The following EXT1 variants were observed in gnomAD, a reference collection of about 807,000 sequenced individuals.
The protein encoded by EXT1 is exostosin glycosyltransferase 1.
In EXT1, 20 loss-of-function variants were observed where a neutral mutation model predicts 82.5. The ratio of observed to expected loss-of-function variants is 0.24; its 90% CI spans 0.17 to 0.35. The LOEUF is 0.35. Ranked by LOEUF, EXT1 falls within the 10% of genes least tolerant of loss-of-function variation. The pLI is 1.00. For missense variants in EXT1, 757 were observed against 936.5 expected (o/e 0.81, Z 2.50); for synonymous variants, 348 against 350.8 (o/e 0.99, Z 0.09).
intron 1 of EXT1, among the ~76,000 whole-genome samples, chr8:118,041,999 A>T (rs1003513365): frequency 1.3e-5 from 2 of 151,450 alleles, no homozygotes; most frequent in Non-Finnish European, 2.9e-5. Flanking sequence ...CCAACATCAC[A>T]TCTGTCACCT....
intron 7 of EXT1, among the ~76,000 whole-genome samples, chr8:117,817,004 T>C (rs991974388): frequency 6.6e-6 from 1 of 152,150 alleles, no homozygotes; most frequent in Admixed American, 6.5e-5. Flanking sequence ...GGGGGATGGA[T>C]ATAAGGGCCT....
chr8:118,109,753 C>A (rs368738065), intron 1 of EXT1, among the ~76,000 whole-genome samples: 1 of 152,138 alleles, frequency 6.6e-6, no homozygotes, highest in South Asian at 2.1e-4. Context: ...CCTCCAGTAC[C>A]CATGCCTGAA....
chr8:118,001,419 A>C (rs1170729862), intron 1 of EXT1, among the ~76,000 whole-genome samples: 1 of 152,016 alleles, frequency 6.6e-6, no homozygotes. Flanking sequence ...TCCTGACCTC[A>C]AGTGATCTGC....
At chr8:117,904,529 A>G (rs1586275942) in intron 1 of EXT1, among the ~76,000 whole-genome samples, 2 of 152,224 alleles carry the variant, frequency 1.3e-5, no homozygotes, top group South Asian at 4.1e-4. Flanking sequence ...TCTTTAAAAT[A>G]TCATAGGAGC....
At chr8:117,942,376 C>T (rs1242889803) in intron 1 of EXT1, among the ~76,000 whole-genome samples, 1 of 152,090 alleles carries the variant, frequency 6.6e-6, no homozygotes, top group African/African-American at 2.4e-5. Context: ...CTTTATACCC[C>T]CAGAACCTAG....
intron 1 of EXT1, among the ~76,000 whole-genome samples, chr8:118,043,388 G>A (rs925413622): frequency 1.3e-5 from 2 of 152,200 alleles, no homozygotes; most frequent in African/African-American, 4.8e-5. Flanking sequence ...TCCTAGGAAA[G>A]AGACCTACTC....
At position 117,849,816 on chromosome 8, in the gene EXT1, A is replaced by G. The variant is rs144159763; in HGVS notation, c.963-12615T>C. 2.3e-3 allele frequency among the ~76,000 whole-genome samples: 357 copies of G among 152,364 alleles called. 1 individual carries two copies. In the Middle Eastern group the frequency reaches 0.027, roughly 12 times the overall value. ...GGAACAGTTTTTGTACATATGAGGT[A>G]AAATGCAGAAGATGTCAAAGGCCTG... On this transcript the variant is annotated intron_variant, in intron 1 of 10. Transcript: ENST00000378204.
chr8:117,856,272 G>A (rs1171889565), intron 1 of EXT1, among the ~76,000 whole-genome samples: 5 of 150,132 alleles, frequency 3.3e-5, no homozygotes, highest in Non-Finnish European at 5.9e-5. Flanking sequence ...TTTTTTGTGG[G>A]GGGACGGAGT....
chr8:118,046,673 C>G (rs560905656), intron 1 of EXT1, among the ~76,000 whole-genome samples: 16 of 152,304 alleles, frequency 1.1e-4, no homozygotes, highest in African/African-American at 3.9e-4. Flanking sequence ...TTATATACTT[C>G]CCTTCTAAAA....
chr8:118,022,326 CTTTTTTTTTTT>C (rs71307420), intron 1 of EXT1, among the ~76,000 whole-genome samples: 2 of 46,176 alleles, frequency 4.3e-5, no homozygotes, highest in Non-Finnish European at 8.2e-5. Context: ...CATATATATT[CTTTTTTTTTTT>C]TTTTTTTTTT....
At chr8:117,860,863 C>T (rs1367725393) in intron 1 of EXT1, among the ~76,000 whole-genome samples, 1 of 152,178 alleles carries the variant, frequency 6.6e-6, no homozygotes, top group East Asian at 1.9e-4. Context: ...GAGTTAGTAA[C>T]CCCTGGTCTA....
At chr8:117,894,688 C>A (rs1036442135) in intron 1 of EXT1, among the ~76,000 whole-genome samples, 1 of 152,134 alleles carries the variant, frequency 6.6e-6, no homozygotes, top group African/African-American at 2.4e-5. Flanking sequence ...CACAACCAGG[C>A]CCTGTTTAAA....
At chr8:117,819,573 TCCCGGGGAG>T (rs1811886853) in intron 6 of EXT1, 94 bp downstream of exon 6, 1 of 901,284 alleles carries the variant, frequency 1.1e-6, no homozygotes, top group Non-Finnish European at 1.9e-6. Flanking sequence ...GTTAGAGAAG[TCCCGGGGAG>T]CCTGGGGAGC....
At chr8:117,857,343 G>A (rs1234564204) in intron 1 of EXT1, among the ~76,000 whole-genome samples, 1 of 152,094 alleles carries the variant, frequency 6.6e-6, no homozygotes, top group Non-Finnish European at 1.5e-5. Context: ...AATGCTTGAG[G>A]CCAGGAGTTC....
chr8:117,857,581 T>C (rs1273868863), intron 1 of EXT1, among the ~76,000 whole-genome samples: 1 of 149,806 alleles, frequency 6.7e-6, no homozygotes, highest in East Asian at 1.9e-4. Context: ...GCCCCTGTAG[T>C]CCCAGATATT....
At chr8:117,883,474 G>T (rs1198309523) in intron 1 of EXT1, among the ~76,000 whole-genome samples, 1 of 152,174 alleles carries the variant, frequency 6.6e-6, no homozygotes, top group Non-Finnish European at 1.5e-5. Context: ...GAAAAGCAAT[G>T]ATAAAAGCTC....
intron 1 of EXT1, among the ~76,000 whole-genome samples, chr8:118,043,468 C>T (rs1816567835): frequency 6.6e-6 from 1 of 152,182 alleles, no homozygotes; most frequent in Non-Finnish European, 1.5e-5. Flanking sequence ...CAGACTAATG[C>T]CATCACATGT....
intron 1 of EXT1, among the ~76,000 whole-genome samples, chr8:117,857,615 A>C (rs1265004866): frequency 6.6e-6 from 1 of 152,008 alleles, no homozygotes; most frequent in African/African-American, 2.4e-5. Context: ...CAGGAGGGTC[A>C]CTTGAGACCA....
chr8:117,843,431 G>A (rs1017469651), intron 1 of EXT1, among the ~76,000 whole-genome samples: 2 of 152,180 alleles, frequency 1.3e-5, no homozygotes, highest in Admixed American at 1.3e-4. Flanking sequence ...GTGAGACCCT[G>A]AGCTAAATCT....
Sources: gnomAD v4.1 joint callset for allele counts (sites outside exome capture counted in the v4.1 genomes callset) on GRCh38, gnomAD v4.1.1 for gene constraint, MANE v1.5 for transcripts, NCBI Gene and HGNC (gene_info 2026-07-23, HGNC 2026-07-21) for gene names.